Variants in DEFB119 observed in about 807,000 individuals in gnomAD.
The protein encoded by DEFB119 is beta-defensin 119.
A neutral mutation model predicts 2.5 loss-of-function variants in DEFB119; 3 were observed. The observed-to-expected ratio is 1.19, with a 90% CI of 0.54 to 3.07. The LOEUF is 3.07. Among genes scored for constraint, DEFB119 ranks in the 30% most tolerant of loss-of-function variants. DEFB119 has a pLI of 0.03. For synonymous variants in DEFB119, 29 were observed against 33.7 expected, an observed-to-expected ratio of 0.86 and a Z score of 0.48; for missense variants, 113 against 101.1, an observed-to-expected ratio of 1.12 and a Z score of -0.50.
At chr20:31,385,374 CA>C (rs539118665) in intron 1 of DEFB119, among the ~76,000 whole-genome samples, 22,294 of 115,680 alleles carry the variant, frequency 0.19, 1,956 homozygotes, top group Non-Finnish European at 0.23. Flanking sequence ...TAACAAAAGA[CA>C]AAAAAAAAAA....
At chr20:31,383,844 AAAATAAAT>A (rs528889341) in intron 1 of DEFB119, among the ~76,000 whole-genome samples, 2 of 151,736 alleles carry the variant, frequency 1.3e-5, no homozygotes, top group Admixed American at 6.6e-5. Flanking sequence ...CTCTGTCTCA[AAAATAAAT>A]AAATAAATAA....
At chr20:31,384,059 A>C (rs947777459) in intron 1 of DEFB119, among the ~76,000 whole-genome samples, 1 of 152,144 alleles carries the variant, frequency 6.6e-6, no homozygotes, top group African/African-American at 2.4e-5. Flanking sequence ...GTATTTCTTC[A>C]TAGCAGTATG....
At chr20:31,382,942 C>T (rs370068137) in intron 1 of DEFB119, among the ~76,000 whole-genome samples, 110 of 152,216 alleles carry the variant, frequency 7.2e-4, no homozygotes, top group South Asian at 5.2e-3. Flanking sequence ...CAGTTTGTGA[C>T]GCCAATCAAA....
At chr20:31,380,683 C>G (rs887121069) in intron 1 of DEFB119, among the ~76,000 whole-genome samples, 3 of 151,750 alleles carry the variant, frequency 2.0e-5, no homozygotes, top group Non-Finnish European at 4.4e-5. Flanking sequence ...CGAAAAGGAC[C>G]TTTCTTCCAA....
At chr20:31,377,973 A>T (rs1986362449) in intron 1 of DEFB119, among the ~76,000 whole-genome samples, 2 of 152,354 alleles carry the variant, frequency 1.3e-5, no homozygotes, top group South Asian at 4.1e-4. Context: ...AAAGAAGGCT[A>T]CGTGGAGAGC....
intron 1 of DEFB119, among the ~76,000 whole-genome samples, chr20:31,378,581 A>G (rs891975610): frequency 6.6e-6 from 1 of 152,210 alleles, no homozygotes; most frequent in African/African-American, 2.4e-5. Context: ...GTGTATCTAT[A>G]GTTCATTCCT....
At chr20:31,385,082 C>T (rs1458384983) in intron 1 of DEFB119, among the ~76,000 whole-genome samples, 2 of 152,144 alleles carry the variant, frequency 1.3e-5, no homozygotes, top group African/African-American at 4.8e-5. Flanking sequence ...CTGCCTTAGA[C>T]CCCAGGAATA....
intron 1 of DEFB119, among the ~76,000 whole-genome samples, chr20:31,387,678 A>G (rs1238406896): frequency 6.6e-6 from 1 of 152,064 alleles, no homozygotes; most frequent in East Asian, 1.9e-4. Flanking sequence ...AGGGGTCGGC[A>G]CCCAGTGGGC....
intron 1 of DEFB119, among the ~76,000 whole-genome samples, chr20:31,383,008 C>G (rs559336701): frequency 6.6e-6 from 1 of 152,242 alleles, no homozygotes; most frequent in South Asian, 2.1e-4. Flanking sequence ...TTCTCCATAG[C>G]CTTTAAAGAG....
At position 31,389,023 on chromosome 20, in the gene DEFB119, TTCTA is replaced by T; in HGVS notation, c.61+1396_61+1399del. 3 of 1,614,046 alleles carry T rather than the reference TTCTA, an allele frequency of 1.9e-6. No homozygotes were observed. In the East Asian group the frequency reaches 6.7e-5, roughly 36 times the overall value. On this transcript the variant is annotated intron_variant, in intron 1 of 1. Transcript: ENST00000376321. Reference sequence around the variant, plus strand: ...CCTAAGCAACCTGAAACAAAGTCATTTCTATCTATTAGTTATATTTGTCTTCATT... The same window carrying T: ...CCTAAGCAACCTGAAACAAAGTCATTTCTATTAGTTATATTTGTCTTCATT...
In DEFB119 at chr20:31,390,522, G is replaced by A; in HGVS notation, c.-39C>T. 1.2e-6 allele frequency: 2 copies of A among 1,604,866 alleles called. No individual in the cohort carries two copies. Among genetic ancestry groups the A allele is most frequent in the South Asian group, 1.1e-5 (1 of 90,622 alleles). ...GAGAGGAGGAGGTGGCTGAGCTGCA[G>A]GGGAAGGAAATAGGGTTCCCTGCAG... On this transcript the variant is annotated 5_prime_UTR_variant, in exon 1 of 2. Coordinates refer to ENST00000376321, the MANE Select transcript of DEFB119 (RefSeq NM_153289.4).
chr20:31,383,637 C>T (rs1986584259), intron 1 of DEFB119, among the ~76,000 whole-genome samples: 1 of 151,290 alleles, frequency 6.6e-6, no homozygotes, highest in African/African-American at 2.4e-5. Flanking sequence ...AGATCGAGAC[C>T]ATCCTGGCTA....
chr20:31,379,725 G>A (rs936736468), intron 1 of DEFB119, among the ~76,000 whole-genome samples: 9 of 150,788 alleles, frequency 6.0e-5, no homozygotes, highest in Non-Finnish European at 1.2e-4. Flanking sequence ...GAGTGCAGTG[G>A]CACTATCTCA....
At chr20:31,378,627 G>C (rs1371048801) in intron 1 of DEFB119, among the ~76,000 whole-genome samples, 1 of 152,132 alleles carries the variant, frequency 6.6e-6, no homozygotes, top group East Asian at 1.9e-4. Context: ...TATAAATGTA[G>C]TACAGTCTAT....
At position 31,384,927 on chromosome 20, in the gene DEFB119, A is replaced by G. The variant is rs183440570; in HGVS notation, c.61+5496T>C. On this transcript the variant is annotated intron_variant, in intron 1 of 1. Coordinates refer to ENST00000376321, the MANE Select transcript of DEFB119 (RefSeq NM_153289.4). ...TGCCTTCTATTTTTGTAAAATATAG[A>G]CACCAGAAGACACCATCCCAACTGA... is the stretch of plus-strand genomic sequence containing the variant. 1.6e-4 allele frequency among the ~76,000 whole-genome samples: 24 copies of G among 152,328 alleles called. No homozygotes were observed. In the East Asian group the frequency reaches 3.9e-3, roughly 24 times the overall value.
At chr20:31,380,809 C>T (rs540676480) in intron 1 of DEFB119, among the ~76,000 whole-genome samples, 4 of 152,156 alleles carry the variant, frequency 2.6e-5, no homozygotes, top group African/African-American at 4.8e-5. Flanking sequence ...CAAGACCACA[C>T]AATCTCAATT....
intron 1 of DEFB119, among the ~76,000 whole-genome samples, chr20:31,382,667 C>A (rs567297316): frequency 5.4e-4 from 82 of 152,352 alleles, no homozygotes; most frequent in Middle Eastern, 3.4e-3. Context: ...ATTCCTGGAA[C>A]CTGGAGTCAG....
At chr20:31,379,666 T>C (rs1986436780) in intron 1 of DEFB119, among the ~76,000 whole-genome samples, 1 of 151,222 alleles carries the variant, frequency 6.6e-6, no homozygotes, top group Non-Finnish European at 1.5e-5. Flanking sequence ...ACTAATTTTT[T>C]TTTTTTTTTT....
rs1489380442 is a variant in DEFB119 at position 31,390,538 on chromosome 20, T to A, written c.-55A>T. ...TGAGCTGCAGGGGAAGGAAATAGGG[T>A]TCCCTGCAGCACGGCAGAGATGAGC... On this transcript the variant is annotated 5_prime_UTR_variant, in exon 1 of 2. Coordinates refer to ENST00000376321, the MANE Select transcript of DEFB119 (RefSeq NM_153289.4). 6.5e-7 allele frequency: 1 copy of A among 1,542,390 alleles called. No individual in the cohort carries two copies. Among genetic ancestry groups the A allele is most frequent in the African/African-American group, 1.4e-5 (1 of 72,650 alleles).
Sources: gnomAD v4.1 joint callset for allele counts (sites outside exome capture counted in the v4.1 genomes callset) on GRCh38, gnomAD v4.1.1 for gene constraint, MANE v1.5 for transcripts, NCBI Gene and HGNC (gene_info 2026-07-23, HGNC 2026-07-21) for gene names.